The following PPFIA1 variants were observed in gnomAD, a reference collection of about 807,000 sequenced individuals.
PPFIA1 encodes liprin-alpha-1.
A neutral mutation model predicts 149.9 loss-of-function variants in PPFIA1; 25 were observed. That is an observed-to-expected ratio of 0.17 (90% CI 0.12 to 0.23). The LOEUF (loss-of-function observed/expected upper bound fraction) is 0.23, where lower values mean the gene tolerates loss of function less well. Ranked by LOEUF, PPFIA1 falls within the 10% of genes least tolerant of loss-of-function variation. The probability of loss-of-function intolerance (pLI) is 1.00; values close to 1 mark genes in which losing one functional copy is unlikely to be tolerated. For synonymous variants in PPFIA1, 549 were observed against 552.8 expected (o/e 0.99, Z 0.10); for missense variants, 1,362 against 1,506.5 (o/e 0.90, Z 1.59).
Position 70,384,259 on chromosome 11 carries a change from G to A in PPFIA1, c.*1269G>A, listed in dbSNP as rs1272511467. 1 of 152,504 alleles carries A rather than the reference G, an allele frequency of 6.6e-6. No homozygotes were observed. The highest frequency in any genetic ancestry group is 1.5e-5 in the Non-Finnish European group (1 of 68,006). 9.4% of individuals were successfully genotyped at this position (152,504 alleles called of 1,614,324 possible). A position where few individuals can be genotyped will look rare whatever the true frequency, so the allele number is the denominator to read the frequency against. On this transcript the variant is annotated 3_prime_UTR_variant, in exon 28 of 28. Transcript: ENST00000253925. ...TTTACTTGTACAATTCATTGTTACT[G>A]TTCTGTTTTTCTATTAATCTTTTGT...
At chr11:70,362,026 G>A in intron 19 of PPFIA1, 69 bp from the exon 20 acceptor site, 1 of 1,434,094 alleles carries the variant, frequency 7.0e-7, no homozygotes, top group Non-Finnish European at 9.8e-7. Flanking sequence ...CTCCCAGAGA[G>A]CTGGGATTAC....
At chr11:70,366,747 A>G (rs549441637) in intron 21 of PPFIA1, among the ~76,000 whole-genome samples, 2 of 152,258 alleles carry the variant, frequency 1.3e-5, no homozygotes, top group East Asian at 3.8e-4. Context: ...ATTTTAAATC[A>G]TAATTTTCCT....
At chr11:70,331,035 C>T (rs1393997059) in intron 8 of PPFIA1, among the ~76,000 whole-genome samples, 1 of 151,956 alleles carries the variant, frequency 6.6e-6, no homozygotes, top group African/African-American at 2.4e-5. Flanking sequence ...CATTTGAGAC[C>T]AGCCTGACCA....
intron 15 of PPFIA1, among the ~76,000 whole-genome samples, chr11:70,344,795 CAGAT>C (rs1332001404): frequency 6.6e-6 from 1 of 152,214 alleles, no homozygotes; most frequent in African/African-American, 2.4e-5. Context: ...AAACAGTCGA[CAGAT>C]AGAGTCTGGT....
intron 2 of PPFIA1, among the ~76,000 whole-genome samples, chr11:70,288,602 C>T (rs923110012): frequency 2.6e-5 from 4 of 152,168 alleles, no homozygotes; most frequent in African/African-American, 9.7e-5. Flanking sequence ...TCCAGCTGTC[C>T]GTCCGTGTAC....
At chr11:70,310,362 T>G (rs986887075) in intron 2 of PPFIA1, among the ~76,000 whole-genome samples, 6 of 151,512 alleles carry the variant, frequency 4.0e-5, no homozygotes, top group Non-Finnish European at 4.4e-5. Flanking sequence ...AGAGGCACAG[T>G]GCATTTTTAT....
At chr11:70,336,896 G>A (rs1275005511) in intron 11 of PPFIA1, among the ~76,000 whole-genome samples, 1 of 152,210 alleles carries the variant, frequency 6.6e-6, no homozygotes, top group Non-Finnish European at 1.5e-5. Context: ...TGCATGACAC[G>A]TTTATTTACA....
intron 16 of PPFIA1, 23 bp downstream of exon 16, chr11:70,348,443 C>T: frequency 6.5e-7 from 1 of 1,543,414 alleles, no homozygotes; most frequent in South Asian, 1.1e-5. Flanking sequence ...CCTTTCCCTG[C>T]TGTGGCTGCC....
chr11:70,324,146 T>G (rs1414816818), intron 2 of PPFIA1, among the ~76,000 whole-genome samples: 1 of 152,230 alleles, frequency 6.6e-6, no homozygotes, highest in Non-Finnish European at 1.5e-5. Flanking sequence ...GAAGGTGGAC[T>G]TGGATTCCCC....
chr11:70,382,578 G>C (rs893199598), intron 27 of PPFIA1, among the ~76,000 whole-genome samples: 10 of 152,078 alleles, frequency 6.6e-5, no homozygotes, highest in African/African-American at 2.4e-4. Flanking sequence ...AATGAAACAA[G>C]CCCAAAGTTT....
intron 16 of PPFIA1, among the ~76,000 whole-genome samples, chr11:70,352,761 C>T (rs4980783): frequency 0.26 from 22,872 of 88,042 alleles, 2,710 homozygotes; most frequent in South Asian, 0.3. Context: ...GGGAGGGCGG[C>T]GTGTGGAGGT....
At chr11:70,295,586 G>A (rs1183941288) in intron 2 of PPFIA1, among the ~76,000 whole-genome samples, 1 of 142,118 alleles carries the variant, frequency 7.0e-6, no homozygotes, top group Non-Finnish European at 1.5e-5. Context: ...CTCCCGGATG[G>A]AGCGGCTGGC....
At chr11:70,315,798 T>C (rs1341743336) in intron 2 of PPFIA1, among the ~76,000 whole-genome samples, 1 of 148,818 alleles carries the variant, frequency 6.7e-6, no homozygotes, top group African/African-American at 2.5e-5. Context: ...TGTGCAACCA[T>C]TACTGCCACA....
At chr11:70,357,749 G>A (rs181329991) in intron 19 of PPFIA1, among the ~76,000 whole-genome samples, 18 of 152,024 alleles carry the variant, frequency 1.2e-4, no homozygotes, top group Admixed American at 9.2e-4. Flanking sequence ...CACCACACCC[G>A]GCTAATTTTT....
chr11:70,330,279 TTGAAAA>T lies in PPFIA1; in HGVS notation c.1043_1048del (p.Asn348_Glu349del). 6.3e-7 allele frequency: 1 copy of T among 1,582,552 alleles called. No individual in the cohort carries two copies. The highest frequency in any genetic ancestry group is 1.4e-5 in the African/African-American group (1 of 73,170). ...TCTGTGCATGACCTCAATGATAAAC[TTGAAAA>T]TGAAATTGCAAATAAAGATTCTATG... On this transcript the variant is annotated inframe_deletion, in exon 8 of 28. Transcript: ENST00000253925.
intron 2 of PPFIA1, among the ~76,000 whole-genome samples, chr11:70,309,391 A>G (rs1050949857): frequency 2.6e-5 from 4 of 152,126 alleles, no homozygotes; most frequent in South Asian, 2.1e-4. Flanking sequence ...CTGGTCTCGA[A>G]CTTGCGACCT....
At chr11:70,344,328 G>A (rs2055545776) in intron 15 of PPFIA1, among the ~76,000 whole-genome samples, 2 of 152,214 alleles carry the variant, frequency 1.3e-5, no homozygotes, top group Non-Finnish European at 2.9e-5. Context: ...GGTGGGCTGG[G>A]AAGAGATGAC....
chr11:70,350,305 AC>A (rs1353241085), intron 16 of PPFIA1, among the ~76,000 whole-genome samples: 1 of 152,004 alleles, frequency 6.6e-6, no homozygotes, highest in Non-Finnish European at 1.5e-5. Flanking sequence ...GTTTACACAA[AC>A]AGTATGCTTT....
chr11:70,295,198 T>C (rs1591089575), intron 2 of PPFIA1, among the ~76,000 whole-genome samples: 2 of 118,584 alleles, frequency 1.7e-5, no homozygotes, highest in South Asian at 3.0e-4. Context: ...CCCCCCCACC[T>C]CCCTCCCGGA....
Sources: gnomAD v4.1 joint callset for allele counts (sites outside exome capture counted in the v4.1 genomes callset) on GRCh38, gnomAD v4.1.1 for gene constraint, MANE v1.5 for transcripts, NCBI Gene and HGNC (gene_info 2026-07-23, HGNC 2026-07-21) for gene names.